Variants in SGCZ observed in about 807,000 individuals in gnomAD.
SGCZ encodes zeta-sarcoglycan.
SGCZ carries 40 observed loss-of-function variants against 41.3 expected under a neutral mutation model. The observed-to-expected ratio is 0.97, with a 90% CI of 0.75 to 1.26. The LOEUF is 1.26. Ranked by LOEUF, SGCZ falls within the 50% of genes most tolerant of loss-of-function variation. SGCZ has a pLI of 0.00. For missense variants in SGCZ, 552 were observed against 369.8 expected (o/e 1.49, Z -4.04); for synonymous variants, 206 against 137.5 (o/e 1.50, Z -3.49).
chr8:14,118,134 T>A (rs1434331764), intron 5 of SGCZ, among the ~76,000 whole-genome samples: 7 of 152,104 alleles, frequency 4.6e-5, no homozygotes, highest in Admixed American at 4.6e-4. Context: ...GTATTTCTAG[T>A]TCTAGATCCT....
At chr8:15,012,586 AT>A (rs1802870021) in intron 1 of SGCZ, among the ~76,000 whole-genome samples, 3 of 53,538 alleles carry the variant, frequency 5.6e-5, no homozygotes, top group Non-Finnish European at 1.1e-4. Flanking sequence ...TTTATATAAC[AT>A]ATAAATATAT....
intron 1 of SGCZ, among the ~76,000 whole-genome samples, chr8:15,139,637 A>G (rs268427): frequency 0.025 from 3,850 of 152,060 alleles, 163 homozygotes; most frequent in African/African-American, 0.087. Context: ...AACCAGCTAA[A>G]GTCTACTTAT....
At chr8:14,414,697 C>A (rs1260049704) in intron 2 of SGCZ, among the ~76,000 whole-genome samples, 2 of 151,808 alleles carry the variant, frequency 1.3e-5, no homozygotes, top group Non-Finnish European at 2.9e-5. Context: ...ATAAGCTTGG[C>A]CAATCATGAT....
At chr8:14,240,220 C>G (rs1291942710) in intron 3 of SGCZ, among the ~76,000 whole-genome samples, 2 of 148,730 alleles carry the variant, frequency 1.3e-5, no homozygotes, top group East Asian at 4.1e-4. Context: ...CCCAGCTACT[C>G]GGGAGGCTGA....
At chr8:14,639,360 G>A (rs11985140) in intron 1 of SGCZ, among the ~76,000 whole-genome samples, 21 of 151,384 alleles carry the variant, frequency 1.4e-4, no homozygotes, top group Admixed American at 7.9e-4. Flanking sequence ...AGTTCCCTCC[G>A]TTAGTAATGA....
intron 2 of SGCZ, among the ~76,000 whole-genome samples, chr8:14,360,720 T>C (rs1803480818): frequency 6.6e-6 from 1 of 152,222 alleles, no homozygotes; most frequent in Non-Finnish European, 1.5e-5. Flanking sequence ...GCATCTAAAT[T>C]GTTTCTAGGT....
intron 2 of SGCZ, among the ~76,000 whole-genome samples, chr8:14,400,961 A>T (rs1344976089): frequency 6.6e-6 from 1 of 152,138 alleles, no homozygotes; most frequent in Non-Finnish European, 1.5e-5. Flanking sequence ...AAACAATGAA[A>T]ATCAAACCAT....
At chr8:14,770,436 G>A (rs960497344) in intron 1 of SGCZ, among the ~76,000 whole-genome samples, 1 of 151,628 alleles carries the variant, frequency 6.6e-6, no homozygotes, top group Admixed American at 6.6e-5. Flanking sequence ...TTATTTGGGG[G>A]TGGGGGTAAG....
At chr8:14,775,509 G>C (rs555120102) in intron 1 of SGCZ, among the ~76,000 whole-genome samples, 2 of 150,228 alleles carry the variant, frequency 1.3e-5, no homozygotes, top group Non-Finnish European at 3.0e-5. Flanking sequence ...GTACACAGGG[G>C]GGAATAGAGA....
intron 1 of SGCZ, among the ~76,000 whole-genome samples, chr8:15,134,237 T>C (rs946360866): frequency 3.3e-5 from 5 of 151,640 alleles, no homozygotes; most frequent in Non-Finnish European, 5.9e-5. Flanking sequence ...TTAACTTTCA[T>C]AGGTAGTATC....
At chr8:14,812,406 G>A (rs998889146) in intron 1 of SGCZ, among the ~76,000 whole-genome samples, 3 of 152,052 alleles carry the variant, frequency 2.0e-5, no homozygotes, top group Admixed American at 6.6e-5. Flanking sequence ...CATGTCAGAT[G>A]TTTTGAATAT....
chr8:14,901,643 TC>T (rs1243807542), intron 1 of SGCZ, among the ~76,000 whole-genome samples: 2 of 152,054 alleles, frequency 1.3e-5, no homozygotes, highest in African/African-American at 2.4e-5. Context: ...ATGTAAAATA[TC>T]CTTTGTATAT....
chr8:14,095,971 T>C (rs1801832859), intron 7 of SGCZ, among the ~76,000 whole-genome samples: 2 of 152,204 alleles, frequency 1.3e-5, no homozygotes, highest in African/African-American at 2.4e-5. Flanking sequence ...GAGACTTTGC[T>C]GAAGTTGCTT....
In SGCZ at chr8:14,765,878, A is replaced by G. The variant is rs557328648; in HGVS notation, c.40-210952T>C. Among the ~76,000 whole-genome samples the G allele has an allele frequency of 1.8e-4, 28 of 152,336 alleles. No individual in the cohort carries two copies. The South Asian group carries it at 2.9e-3, about 16-fold the overall frequency. Reference sequence around the variant, plus strand: ...CACAAACATTTAAATGAAGCATTCAATCTTGGAGGAGAGAGGTTGCCAGGC... The same window carrying G: ...CACAAACATTTAAATGAAGCATTCAGTCTTGGAGGAGAGAGGTTGCCAGGC... On this transcript the variant is annotated intron_variant, in intron 1 of 7. Transcript: ENST00000382080.
intron 4 of SGCZ, among the ~76,000 whole-genome samples, chr8:14,232,560 T>C (rs1806609611): frequency 6.6e-6 from 1 of 151,956 alleles, no homozygotes; most frequent in African/African-American, 2.4e-5. Flanking sequence ...AATTAAGATT[T>C]TTATACAATT....
chr8:14,560,941 G>A (rs1804189727), intron 1 of SGCZ, among the ~76,000 whole-genome samples: 1 of 151,986 alleles, frequency 6.6e-6, no homozygotes, highest in Admixed American at 6.6e-5. Context: ...CTTTAATAAA[G>A]CTTAGTTTAA....
chr8:14,630,215 T>G (rs7845268), intron 1 of SGCZ, among the ~76,000 whole-genome samples: 52,743 of 151,572 alleles, frequency 0.35, 9,398 homozygotes, highest in East Asian at 0.62. Context: ...TTCATCAAAG[T>G]TATTTTTCAC....
At chr8:15,153,181 C>T (rs1047342208) in intron 1 of SGCZ, among the ~76,000 whole-genome samples, 6 of 152,152 alleles carry the variant, frequency 3.9e-5, no homozygotes, top group African/African-American at 1.4e-4. Flanking sequence ...ATCCATTACA[C>T]ATAACGGGTA....
At chr8:15,078,862 A>T (rs1563490108) in intron 1 of SGCZ, among the ~76,000 whole-genome samples, 1 of 148,504 alleles carries the variant, frequency 6.7e-6, no homozygotes. Context: ...TAGTATTCTA[A>T]TCCTCCTTTC....
Sources: allele counts gnomAD v4.1 joint callset (sites outside exome capture counted in the v4.1 genomes callset), GRCh38; gene constraint gnomAD v4.1.1; transcripts MANE v1.5; gene names NCBI Gene and HGNC (gene_info 2026-07-23, HGNC 2026-07-21).